MOB3B: variants seen among roughly 807,000 people sequenced by gnomAD.
The protein encoded by MOB3B is MOB kinase activator-like 2B.
MOB3B carries 7 observed loss-of-function variants against 18.7 expected under a neutral mutation model. The ratio of observed to expected loss-of-function variants is 0.37; its 90% CI spans 0.21 to 0.70. The LOEUF (loss-of-function observed/expected upper bound fraction) is 0.70, where lower values mean the gene tolerates loss of function less well. Among genes scored for constraint, MOB3B ranks in the 30% least tolerant of loss-of-function variants. MOB3B has a pLI of 0.52. For missense variants in MOB3B, 253 were observed against 281.3 expected (o/e 0.90, Z 0.72); for synonymous variants, 111 against 99.9 (o/e 1.11, Z -0.66).
rs141326657 is a variant in MOB3B, at chr9:27,340,836, C to G, written c.622-10220G>C. ...CCTCTGTTACCCAACTTCTCCAGAGCCCCCATGGAGGTCTGCACAGTTGGC... is the reference window on the plus strand; with the variant it reads ...CCTCTGTTACCCAACTTCTCCAGAGGCCCCATGGAGGTCTGCACAGTTGGC... On this transcript the variant is annotated intron_variant, in intron 3 of 3. Coordinates refer to ENST00000262244, the MANE Select transcript of MOB3B (RefSeq NM_024761.5). 2.1e-3 allele frequency among the ~76,000 whole-genome samples: 319 copies of G among 152,348 alleles called. 1 individual carries two copies. Among genetic ancestry groups the G allele is most frequent in the African/African-American group, 7.4e-3 (306 of 41,576 alleles).
At chr9:27,360,977 G>C (rs1241444918) in intron 2 of MOB3B, among the ~76,000 whole-genome samples, 1 of 152,106 alleles carries the variant, frequency 6.6e-6, no homozygotes, top group African/African-American at 2.4e-5. Context: ...TCAGTGGAGA[G>C]GGGCCTGCAG....
intron 3 of MOB3B, among the ~76,000 whole-genome samples, chr9:27,339,262 T>C (rs1045793908): frequency 6.6e-6 from 1 of 152,214 alleles, no homozygotes; most frequent in Admixed American, 6.5e-5. Context: ...AAACATTTTT[T>C]TAGGAACTAT....
intron 1 of MOB3B, among the ~76,000 whole-genome samples, chr9:27,501,361 T>C (rs181646686): frequency 1.6e-4 from 25 of 152,166 alleles, no homozygotes; most frequent in African/African-American, 5.8e-4. Flanking sequence ...CAAATGCCCA[T>C]CAATGATAGA....
intron 2 of MOB3B, among the ~76,000 whole-genome samples, chr9:27,364,734 T>A (rs2131361150): frequency 6.6e-6 from 1 of 151,718 alleles, no homozygotes; most frequent in Non-Finnish European, 1.5e-5. Flanking sequence ...ATTAATTACA[T>A]AAACATCTAA....
chr9:27,343,910 A>C (rs1304138052), intron 3 of MOB3B, among the ~76,000 whole-genome samples: 3 of 151,960 alleles, frequency 2.0e-5, no homozygotes, highest in Non-Finnish European at 4.4e-5. Flanking sequence ...CTAAAGACCC[A>C]ATTCATATGT....
At position 27,415,817 on chromosome 9, in the gene MOB3B, T is replaced by C. The variant is rs201323115; in HGVS notation, c.418+39316A>G. Among the ~76,000 whole-genome samples the C allele has an allele frequency of 5.3e-5, 8 of 152,344 alleles. No individual in the cohort carries two copies. In the East Asian group the frequency reaches 1.5e-3, roughly 29 times the overall value. On this transcript the variant is annotated intron_variant, in intron 2 of 3. Transcript: ENST00000262244. ...AAGTGTCCCCTTAACTGAAGAGCTG[T>C]TGCTGAGGAAAATAAAATTTCATCA...
At chr9:27,506,859 T>C (rs1820069326) in intron 1 of MOB3B, among the ~76,000 whole-genome samples, 1 of 151,044 alleles carries the variant, frequency 6.6e-6, no homozygotes, top group Non-Finnish European at 1.5e-5. Flanking sequence ...TTTTTGTATT[T>C]TTAGTAGAGA....
chr9:27,468,514 G>A (rs1211090457), intron 1 of MOB3B, among the ~76,000 whole-genome samples: 5 of 152,152 alleles, frequency 3.3e-5, no homozygotes, highest in African/African-American at 9.7e-5. Flanking sequence ...CAAGAAGGAC[G>A]GGATGGCTGG....
rs1295557208 is a variant in MOB3B at position 27,453,183 on chromosome 9, A to G, written c.418+1950T>C. Among the ~76,000 whole-genome samples, 36 of 152,176 alleles carry G rather than the reference A, an allele frequency of 2.4e-4. 2 individuals are homozygous for G. On this transcript the variant is annotated intron_variant, in intron 2 of 3. Coordinates refer to ENST00000262244, the MANE Select transcript of MOB3B (RefSeq NM_024761.5). ...CTTTCATTAATTTAAAAAAAAAGGT[A>G]CCAGTGTCAAATAAGGAACCACCAC...
At chr9:27,400,009 T>G (rs1411615885) in intron 2 of MOB3B, among the ~76,000 whole-genome samples, 1 of 152,154 alleles carries the variant, frequency 6.6e-6, no homozygotes, top group Non-Finnish European at 1.5e-5. Flanking sequence ...GCCCCTGCCT[T>G]AAATCAGGTA....
At chr9:27,426,896 TG>T (rs1228237736) in intron 2 of MOB3B, among the ~76,000 whole-genome samples, 1 of 152,124 alleles carries the variant, frequency 6.6e-6, no homozygotes, top group African/African-American at 2.4e-5. Flanking sequence ...TACAGAGAGA[TG>T]GAGGGTAATG....
chr9:27,495,397 G>A (rs144440065), intron 1 of MOB3B, among the ~76,000 whole-genome samples: 1 of 152,126 alleles, frequency 6.6e-6, no homozygotes, highest in African/African-American at 2.4e-5. Context: ...AGCTGAGGGA[G>A]TCAGGAGGGA....
intron 1 of MOB3B, among the ~76,000 whole-genome samples, chr9:27,513,802 T>C (rs972018283): frequency 2.0e-5 from 3 of 152,202 alleles, no homozygotes; most frequent in Admixed American, 2.0e-4. Flanking sequence ...TGGGACACAC[T>C]ATGAGGACAT....
intron 1 of MOB3B, among the ~76,000 whole-genome samples, chr9:27,526,948 T>TA (rs548294342): frequency 6.6e-6 from 1 of 152,166 alleles, no homozygotes; most frequent in Non-Finnish European, 1.5e-5. Flanking sequence ...TACAGGGAAA[T>TA]ATGGCAATCT....
At chr9:27,524,512 G>C (rs1160759529) in intron 1 of MOB3B, 1 of 1,614,088 alleles carries the variant, frequency 6.2e-7, no homozygotes, top group East Asian at 2.2e-5. Context: ...CCTGTAGAAT[G>C]TCTACGAGAA....
intron 1 of MOB3B, among the ~76,000 whole-genome samples, chr9:27,481,805 G>A (rs1331290193): frequency 6.6e-6 from 1 of 152,136 alleles, no homozygotes; most frequent in African/African-American, 2.4e-5. Context: ...GATTACAGGC[G>A]TGAGCCACCG....
intron 2 of MOB3B, among the ~76,000 whole-genome samples, chr9:27,361,721 C>A (rs1364633132): frequency 2.0e-5 from 3 of 152,222 alleles, no homozygotes; most frequent in African/African-American, 7.2e-5. Context: ...TAAGTAGCTG[C>A]CCAAGGTCAC....
At chr9:27,403,336 T>C (rs1821913266) in intron 2 of MOB3B, among the ~76,000 whole-genome samples, 1 of 152,088 alleles carries the variant, frequency 6.6e-6, no homozygotes. Flanking sequence ...GTATGAAAGG[T>C]AGAACATAGT....
At chr9:27,333,350 G>A (rs910305846) in intron 3 of MOB3B, among the ~76,000 whole-genome samples, 2 of 125,486 alleles carry the variant, frequency 1.6e-5, no homozygotes, top group Non-Finnish European at 3.3e-5. Flanking sequence ...GAGCCAATGA[G>A]CTGTTAAAAA....
Sources: gnomAD v4.1 joint callset for allele counts (sites outside exome capture counted in the v4.1 genomes callset) on GRCh38, gnomAD v4.1.1 for gene constraint, MANE v1.5 for transcripts, NCBI Gene and HGNC (gene_info 2026-07-23, HGNC 2026-07-21) for gene names.